The following SCG5 variants were observed in gnomAD, a reference collection of about 807,000 sequenced individuals.
The protein encoded by SCG5 is secretogranin V.
Under a neutral mutation model 25.7 loss-of-function variants are expected in SCG5, and 18 were observed. That is an observed-to-expected ratio of 0.70 (90% CI 0.48 to 1.04). The LOEUF (loss-of-function observed/expected upper bound fraction) is 1.04, where lower values mean the gene tolerates loss of function less well. Among genes scored for constraint, SCG5 ranks in the 50% least tolerant of loss-of-function variants. SCG5 has a pLI of 0.00. For missense variants in SCG5, 206 were observed against 259.8 expected (o/e 0.79, Z 1.42); for synonymous variants, 101 against 91.7 (o/e 1.10, Z -0.58).
At chr15:32,658,042 G>A (rs773842172) in intron 2 of SCG5, among the ~76,000 whole-genome samples, 2 of 152,094 alleles carry the variant, frequency 1.3e-5, no homozygotes, top group African/African-American at 2.4e-5. Context: ...GGCATCCAGA[G>A]GTGTAAGAAT....
rs779361601 is a variant in SCG5, at chr15:32,679,876, T to C, written c.337T>C (p.Tyr113His). 3 of 1,613,494 alleles carry C rather than the reference T, an allele frequency of 1.9e-6. No homozygotes were observed. The highest frequency in any genetic ancestry group is 2.5e-6 in the Non-Finnish European group (3 of 1,179,604). Residue 113 changes from tyrosine to histidine, a missense_variant, in exon 3 of 6, where the codon TAC (tyrosine) becomes CAC (histidine). Physicochemically the swap from Tyr to His is moderately conservative, Grantham distance 83. Transcript: ENST00000300175. Reference protein sequence around the residue: ...IPKDFSEDQGYPDPPNPCPVG... With the variant: ...IPKDFSEDQGHPDPPNPCPVG... ...TAAGGACTTTAGTGAGGATCAGGGG[T>C]ACCCAGACCCTCCAAATCCCTGTCC...
At chr15:32,691,926 T>A (rs1294457105) in intron 5 of SCG5, 163 bp downstream of exon 5, 1 of 1,464,178 alleles carries the variant, frequency 6.8e-7, no homozygotes, top group Admixed American at 2.9e-5. Flanking sequence ...AGAAAGTCTG[T>A]CCTTGGTTTC....
intron 2 of SCG5, among the ~76,000 whole-genome samples, chr15:32,653,512 G>A (rs2054066401): frequency 6.6e-6 from 1 of 152,170 alleles, no homozygotes; most frequent in African/African-American, 2.4e-5. Context: ...GTTCTCTAGA[G>A]AAACAGACAA....
intron 2 of SCG5, among the ~76,000 whole-genome samples, chr15:32,649,889 C>CT (rs779960987): frequency 2.8e-4 from 43 of 152,150 alleles, no homozygotes; most frequent in Admixed American, 4.6e-4. Flanking sequence ...AAGCCTAGTT[C>CT]TCTCAAATAA....
At position 32,679,794 on chromosome 15, in the gene SCG5, G is replaced by A; in HGVS notation, c.255G>A (p.Leu85=). Reference sequence around the variant, plus strand: ...GAGCTCATGAAGGACTTCAGCATTTGGGTCCTTTTGGCAACATCCCCAACA... The same window carrying A: ...GAGCTCATGAAGGACTTCAGCATTTAGGTCCTTTTGGCAACATCCCCAACA... ...EGGAHEGLQH[L]GPFGNIPNIV... is the part of the protein sequence containing the mutation. The change falls in exon 3 of 6, where the codon TTG becomes TTA. Residue 85 remains leucine (L), a synonymous_variant. Transcript: ENST00000300175. 6.2e-7 allele frequency: 1 copy of A among 1,613,956 alleles called. No individual in the cohort carries two copies. Among genetic ancestry groups the A allele is most frequent in the Non-Finnish European group, 8.5e-7 (1 of 1,179,854 alleles).
intron 5 of SCG5, among the ~76,000 whole-genome samples, chr15:32,696,199 G>C (rs182373030): frequency 9.5e-4 from 144 of 152,048 alleles, no homozygotes; most frequent in Non-Finnish European, 1.3e-3. Flanking sequence ...CTCACTGCAA[G>C]CTCCGCCTCC....
intron 2 of SCG5, among the ~76,000 whole-genome samples, chr15:32,666,929 A>G (rs113996484): frequency 1.8e-3 from 273 of 152,312 alleles, no homozygotes; most frequent in African/African-American, 6.3e-3. Flanking sequence ...GGTATTCACC[A>G]CGCCCAAGAG....
At chr15:32,670,249 C>CT (rs550021715) in intron 2 of SCG5, among the ~76,000 whole-genome samples, 206 of 152,264 alleles carry the variant, frequency 1.4e-3, no homozygotes, top group African/African-American at 4.8e-3. Context: ...ATTTAGATCT[C>CT]TCCTACAAGG....
chr15:32,667,695 CAG>C (rs913604599), intron 2 of SCG5, among the ~76,000 whole-genome samples: 4 of 142,602 alleles, frequency 2.8e-5, no homozygotes, highest in Non-Finnish European at 6.0e-5. Context: ...TTTTTTGAGA[CAG>C]AGTCTCACTG....
At chr15:32,681,592 G>C (rs113150113) in intron 3 of SCG5, among the ~76,000 whole-genome samples, 3,379 of 151,288 alleles carry the variant, frequency 0.022, 104 homozygotes, top group African/African-American at 0.07. Flanking sequence ...TGGGACAACA[G>C]GTGTGTGCCA....
At chr15:32,650,221 G>A (rs865859089) in intron 2 of SCG5, among the ~76,000 whole-genome samples, 42 of 151,894 alleles carry the variant, frequency 2.8e-4, no homozygotes, top group African/African-American at 8.2e-4. Context: ...CCTCAGCCTC[G>A]CGAGTAGCTG....
intron 4 of SCG5, among the ~76,000 whole-genome samples, chr15:32,687,523 G>A (rs921623930): frequency 1.3e-5 from 2 of 152,228 alleles, no homozygotes; most frequent in African/African-American, 4.8e-5. Context: ...TGGGAATTGA[G>A]TATGTCTTGC....
At chr15:32,657,069 A>G (rs2054128658) in intron 2 of SCG5, among the ~76,000 whole-genome samples, 1 of 150,812 alleles carries the variant, frequency 6.6e-6, no homozygotes, top group South Asian at 2.1e-4. Flanking sequence ...TAAACTGTCC[A>G]GTCCATCTCA....
At chr15:32,642,963 C>T (rs1461451494) in intron 1 of SCG5, among the ~76,000 whole-genome samples, 3 of 152,216 alleles carry the variant, frequency 2.0e-5, no homozygotes, top group Non-Finnish European at 2.9e-5. Context: ...GACTTGCCTA[C>T]GATCACTCAG....
chr15:32,696,643 GT>G lies in SCG5; in HGVS notation c.*36del. On this transcript the variant is annotated 3_prime_UTR_variant, in exon 6 of 6. Coordinates refer to ENST00000300175, the MANE Select transcript of SCG5 (RefSeq NM_001144757.3). ...TGCTAGACGAAAACCCACATTACCT[GT>G]TAGGCCTCAGCATGGCTTATGTGCA... 2 of 1,394,636 alleles carry G rather than the reference GT, an allele frequency of 1.4e-6. No homozygotes were observed. The highest frequency in any genetic ancestry group is 1.0e-6 in the Non-Finnish European group (1 of 986,448). The allele number at this position is 1,394,636 out of a possible 1,614,324, so 86.4% of individuals were successfully genotyped here.
intron 2 of SCG5, chr15:32,673,012 T>C (rs1293915148): frequency 6.6e-6 from 1 of 151,848 alleles, no homozygotes; most frequent in Non-Finnish European, 1.5e-5. Flanking sequence ...CAAAACTGCT[T>C]CCACTAGCCC....
At chr15:32,658,653 C>T (rs977470845) in intron 2 of SCG5, among the ~76,000 whole-genome samples, 3 of 152,154 alleles carry the variant, frequency 2.0e-5, no homozygotes, top group Admixed American at 6.5e-5. Flanking sequence ...CCCTTCTGCA[C>T]CTTGCCCACA....
intron 4 of SCG5, 98 bp downstream of exon 4, chr15:32,684,767 A>G (rs2054675398): frequency 5.5e-6 from 4 of 726,640 alleles, no homozygotes; most frequent in Admixed American, 5.6e-5. Context: ...GAGAAGAAAA[A>G]TTATTTAGAA....
chr15:32,696,590 A>C lies in SCG5; in HGVS notation c.620A>C (p.Glu207Ala), dbSNP rs948889171. The C allele has an allele frequency of 2.5e-6, 4 of 1,611,996 alleles. No individual in the cohort carries two copies. The African/African-American group carries it at 5.3e-5, about 22-fold the overall frequency. Residue 207 changes from glutamate to alanine, a missense_variant, in exon 6 of 6, where the codon GAG becomes GCG. Glu to Ala is a moderately radical substitution (Grantham distance 107). Transcript: ENST00000300175. ...AAGTCTGTCCCCCATTTTTCAGATG[A>C]GGATAAGGATCCAGAGTAAAGAGAA... Reference protein sequence around the residue: ...AKKSVPHFSDEDKDPE With the variant: ...AKKSVPHFSDADKDPE
Sources: allele counts gnomAD v4.1 joint callset (sites outside exome capture counted in the v4.1 genomes callset), GRCh38; gene constraint gnomAD v4.1.1; transcripts MANE v1.5; gene names NCBI Gene and HGNC (gene_info 2026-07-23, HGNC 2026-07-21).